GCGR: variants seen among roughly 807,000 people sequenced by gnomAD.
GCGR encodes glucagon receptor.
GCGR carries 41 observed loss-of-function variants against 56.1 expected under a neutral mutation model. That is an observed-to-expected ratio of 0.73 (90% CI 0.57 to 0.95). The LOEUF (loss-of-function observed/expected upper bound fraction) is 0.95, where lower values mean the gene tolerates loss of function less well. Among genes scored for constraint, GCGR ranks in the 40% least tolerant of loss-of-function variants. The pLI is 0.00. For synonymous variants in GCGR, 278 were observed against 271.1 expected (o/e 1.03, Z -0.25); for missense variants, 595 against 638.2 (o/e 0.93, Z 0.73).
rs1157028106 is a variant in GCGR at position 81,804,997 on chromosome 17, C to G, written c.-178+748C>G. On this transcript the variant is annotated intron_variant, in intron 1 of 13. Transcript: ENST00000400723. The surrounding 1 kb of genome is among the most constrained non-coding windows in gnomAD (Gnocchi z 8.2). ...GTTGGGGGGTCTGGGTGCACCCACGCCTGCCCCGCCCCCACGGGGTGAGGG... is the reference window on the plus strand; with the variant it reads ...GTTGGGGGGTCTGGGTGCACCCACGGCTGCCCCGCCCCCACGGGGTGAGGG... 6.6e-6 allele frequency: 1 copy of G among 152,616 alleles called. No individual in the cohort carries two copies. Among genetic ancestry groups the G allele is most frequent in the Admixed American group, 6.5e-5 (1 of 15,286 alleles). 9.5% of individuals were successfully genotyped at this position (152,616 alleles called of 1,614,324 possible). A position where few individuals can be genotyped will look rare whatever the true frequency, so the allele number is the denominator to read the frequency against.
chr17:81,811,591 G>A lies in GCGR; in HGVS notation c.657+31G>A, dbSNP rs2038100911. The A allele has an allele frequency of 2.0e-6, 3 of 1,535,898 alleles. No individual in the cohort carries two copies. The highest frequency in any genetic ancestry group is 1.7e-6 in the Non-Finnish European group (2 of 1,146,712). ...CCCCCCTCGGCGGCCCCAGGCAGGT[G>A]GGTGGGTGGGCAGCCAGGCAGGTGG... On this transcript the variant is annotated intron_variant, in intron 7 of 13. Coordinates refer to ENST00000400723, the MANE Select transcript of GCGR (RefSeq NM_000160.5). This position sits in a 1 kb window ranked among gnomAD's most constrained non-coding sequence, Gnocchi z 5.8.
In GCGR at chr17:81,811,161, G is replaced by T. The variant is rs773224259; in HGVS notation, c.393+30G>T. 7.2e-6 allele frequency: 11 copies of T among 1,535,938 alleles called. No homozygotes were observed. The African/African-American group carries it at 1.5e-4, about 21-fold the overall frequency. ...GTGGGCGGCAGGCAGGCGCGGTGGG[G>T]CTGGATGGGAACGGGCATGGGGGCC... On this transcript the variant is annotated intron_variant, in intron 5 of 13. Coordinates refer to ENST00000400723, the MANE Select transcript of GCGR (RefSeq NM_000160.5). This position sits in a 1 kb window ranked among gnomAD's most constrained non-coding sequence, Gnocchi z 5.8.
rs746534593 is a variant in GCGR, at chr17:81,810,957, G to T, written c.271+25G>T. ...GGTACCCATAGAGGGGAGGAACTGTGGGGGGGGCGGGCCCAGGGTGGGGCT... is the reference window on the plus strand; with the variant it reads ...GGTACCCATAGAGGGGAGGAACTGTTGGGGGGGCGGGCCCAGGGTGGGGCT... On this transcript the variant is annotated intron_variant, in intron 4 of 13. Coordinates refer to ENST00000400723, the MANE Select transcript of GCGR (RefSeq NM_000160.5). The surrounding 1 kb of genome is among the most constrained non-coding windows in gnomAD (Gnocchi z 4.6). 38 of 1,535,012 alleles carry T rather than the reference G, an allele frequency of 2.5e-5. No homozygotes were observed. Among genetic ancestry groups the T allele is most frequent in the Non-Finnish European group, 2.9e-5 (33 of 1,146,240 alleles).
Position 81,813,471 on chromosome 17 carries a change from C to G in GCGR, c.1219-3C>G. 6.5e-7 allele frequency: 1 copy of G among 1,534,600 alleles called. No homozygotes were observed. Among genetic ancestry groups the G allele is most frequent in the Non-Finnish European group, 8.7e-7 (1 of 1,146,624 alleles). On this transcript the variant is annotated splice_region_variant and splice_polypyrimidine_tract_variant and intron_variant, in intron 13 of 13. Transcript: ENST00000400723. This position sits in a 1 kb window ranked among gnomAD's most constrained non-coding sequence, Gnocchi z 5.3. ...GACTGGCCTGCCCCGTCCCCCTCCC[C>G]AGGTGCAGTCGGAGCTGCGGCGGCG...
At position 81,813,520 on chromosome 17, in the gene GCGR, A is replaced by G. The variant is rs1030377149; in HGVS notation, c.1265A>G (p.Lys422Arg). 2 of 1,535,910 alleles carry G rather than the reference A, an allele frequency of 1.3e-6. No homozygotes were observed. The highest frequency in any genetic ancestry group is 1.7e-6 in the Non-Finnish European group (2 of 1,146,764). The change falls in exon 14 of 14, where the codon AAA (lysine) becomes AGA (arginine). Residue 422 changes from lysine to arginine, a missense_variant. By Grantham distance (26) the Lys-to-Arg change is conservative. Coordinates refer to ENST00000400723, the MANE Select transcript of GCGR (RefSeq NM_000160.5). This position sits in a 1 kb window ranked among gnomAD's most constrained non-coding sequence, Gnocchi z 5.3. ...RRRWHRWRLG[K>R]VLWEERNTSN... ...CGTTGGCACCGCTGGCGCCTGGGCA[A>G]AGTGCTATGGGAGGAGCGGAACACC...
Position 81,809,722 on chromosome 17 carries a change from CCTGTCTGT to C in GCGR, c.61-56_61-49del, listed in dbSNP as rs1241277237. On this transcript the variant is annotated intron_variant, in intron 2 of 13. Transcript: ENST00000400723. ...GCCTGCCTGTCTGCCTGTCTGTCTG[CCTGTCTGT>C]CTGCCTGCCTGTCTGTCTGTCTGTC... 1.2e-4 allele frequency: 154 copies of C among 1,328,400 alleles called. 1 individual carries two copies. In the South Asian group the frequency reaches 1.5e-3, roughly 13 times the overall value. The allele number at this position is 1,328,400 out of a possible 1,614,324, so 82.3% of individuals were successfully genotyped here. A position where few individuals can be genotyped will look rare whatever the true frequency, so the allele number is the denominator to read the frequency against.
In GCGR at chr17:81,811,586, CAGGT is replaced by C; in HGVS notation, c.657+27_657+30del. On this transcript the variant is annotated intron_variant, in intron 7 of 13. Transcript: ENST00000400723. The surrounding 1 kb of genome is among the most constrained non-coding windows in gnomAD (Gnocchi z 5.8). The stretch of plus-strand genomic sequence containing the variant: ...GTGAGCCCCCCTCGGCGGCCCCAGG[CAGGT>C]GGGTGGGTGGGCAGCCAGGCAGGTG... 2 of 1,536,122 alleles carry C rather than the reference CAGGT, an allele frequency of 1.3e-6. No individual in the cohort carries two copies. The highest frequency in any genetic ancestry group is 1.7e-6 in the Non-Finnish European group (2 of 1,146,784).
chr17:81,812,293 C>T lies in GCGR; in HGVS notation c.948+41C>T. 1.3e-6 allele frequency: 2 copies of T among 1,531,710 alleles called. No homozygotes were observed. Among genetic ancestry groups the T allele is most frequent in the African/African-American group, 2.7e-5 (2 of 73,008 alleles). 94.9% of individuals were successfully genotyped at this position (1,531,710 alleles called of 1,614,324 possible). A position where few individuals can be genotyped will look rare whatever the true frequency, so the allele number is the denominator to read the frequency against. On this transcript the variant is annotated intron_variant, in intron 10 of 13. Transcript: ENST00000400723. This position sits in a 1 kb window ranked among gnomAD's most constrained non-coding sequence, Gnocchi z 8.5. ...GCCAGGAGCGCACCCCAGGCCCCTC[C>T]TCCCTTGGCGTCCTGAGGCTGCCCC...
chr17:81,813,136 G>A lies in GCGR; in HGVS notation c.1218+79G>A. 1 of 1,526,480 alleles carries A rather than the reference G, an allele frequency of 6.6e-7. No homozygotes were observed. The highest frequency in any genetic ancestry group is 8.8e-7 in the Non-Finnish European group (1 of 1,139,864). 94.6% of individuals were successfully genotyped at this position (1,526,480 alleles called of 1,614,324 possible). Reference sequence around the variant, plus strand: ...GGCAGAGAGAGGCACAGGGATGCCAGCCCCACCCCTGCCCGGGGGTTGGAA... The same window carrying A: ...GGCAGAGAGAGGCACAGGGATGCCAACCCCACCCCTGCCCGGGGGTTGGAA... On this transcript the variant is annotated intron_variant, in intron 13 of 13. Transcript: ENST00000400723. The surrounding 1 kb of genome is among the most constrained non-coding windows in gnomAD (Gnocchi z 5.3).
In GCGR at chr17:81,811,887, T is replaced by C. The variant is rs2038108147; in HGVS notation, c.819T>C (p.Gly273=). ...GACCACAGCTGCTGCCCCCCACAGG[T>C]GCCCCCATGCTGTTCGTCGTCCCCT... The part of the protein sequence containing the change: ...FFSLYLGIGW[G]APMLFVVPWA... Residue 273 remains glycine (G), a splice_region_variant and synonymous_variant, in exon 9 of 14, where the codon GGT becomes GGC. Transcript: ENST00000400723. This position sits in a 1 kb window ranked among gnomAD's most constrained non-coding sequence, Gnocchi z 5.8. The C allele has an allele frequency of 1.3e-6, 2 of 1,537,010 alleles. No homozygotes were observed. The highest frequency in any genetic ancestry group is 8.7e-7 in the Non-Finnish European group (1 of 1,146,874).
In GCGR at chr17:81,811,269, G is replaced by A; in HGVS notation, c.441G>A (p.Val147=). 1 of 1,536,232 alleles carries A rather than the reference G, an allele frequency of 6.5e-7. No homozygotes were observed. The highest frequency in any genetic ancestry group is 8.7e-7 in the Non-Finnish European group (1 of 1,146,786). The change falls in exon 6 of 14, where the codon GTG becomes GTA. Residue 147 remains valine, a synonymous_variant. Transcript: ENST00000400723. This position sits in a 1 kb window ranked among gnomAD's most constrained non-coding sequence, Gnocchi z 5.8. The part of the protein sequence containing the change: ...MYSSFQVMYT[V]GYSLSLGALL... ...GCAGCTTCCAGGTGATGTACACAGT[G>A]GGCTACAGCCTGTCCCTGGGGGCCC...
At position 81,807,812 on chromosome 17, in the gene GCGR, C is replaced by G. The variant is rs576840888; in HGVS notation, c.-177-1030C>G. Reference sequence around the variant, plus strand: ...GTGCAGAAACTGGGCTCTGTAGCAACGAAAGGCCGATTTGTGTAGCTGTTG... The same window carrying G: ...GTGCAGAAACTGGGCTCTGTAGCAAGGAAAGGCCGATTTGTGTAGCTGTTG... On this transcript the variant is annotated intron_variant, in intron 1 of 13. Coordinates refer to ENST00000400723, the MANE Select transcript of GCGR (RefSeq NM_000160.5). Among the ~76,000 whole-genome samples the G allele has an allele frequency of 2.3e-4, 35 of 152,358 alleles. No homozygotes were observed. In the South Asian group the frequency reaches 7.0e-3, roughly 31 times the overall value.
chr17:81,809,742 T>TGC (rs2038055397), intron 2 of GCGR, 40 bp from the exon 3 acceptor site: 3 of 1,250,070 alleles, frequency 2.4e-6, no homozygotes. Context: ...TGCCTGCCTG[T>TGC]CTGTCTGTCT....
chr17:81,810,991 C>T lies in GCGR; in HGVS notation c.272-19C>T. On this transcript the variant is annotated intron_variant, in intron 4 of 13. Transcript: ENST00000400723. The surrounding 1 kb of genome is among the most constrained non-coding windows in gnomAD (Gnocchi z 4.6). ...GGGCCCAGGGTGGGGCTGACCCCAGCCTCCCCCCACACCCCCAGTGCAACA... is the reference window on the plus strand; with the variant it reads ...GGGCCCAGGGTGGGGCTGACCCCAGTCTCCCCCCACACCCCCAGTGCAACA... 2.6e-6 allele frequency: 4 copies of T among 1,535,766 alleles called. No individual in the cohort carries two copies. The highest frequency in any genetic ancestry group is 3.5e-6 in the Non-Finnish European group (4 of 1,146,630).
chr17:81,810,793 C>T lies in GCGR; in HGVS notation c.164-32C>T. 1 of 1,529,428 alleles carries T rather than the reference C, an allele frequency of 6.5e-7. No homozygotes were observed. Among genetic ancestry groups the T allele is most frequent in the Non-Finnish European group, 8.8e-7 (1 of 1,140,338 alleles). The allele number at this position is 1,529,428 out of a possible 1,614,324, so 94.7% of individuals were successfully genotyped here. ...AGCCCCTTCTCCCACCCTGCCCTGC[C>T]CTGCTCTGCCCTGCCCTACCCTACC... On this transcript the variant is annotated intron_variant, in intron 3 of 13. Transcript: ENST00000400723. This position sits in a 1 kb window ranked among gnomAD's most constrained non-coding sequence, Gnocchi z 4.6.
At position 81,813,443 on chromosome 17, in the gene GCGR, T is replaced by A; in HGVS notation, c.1219-31T>A. 1 of 1,524,766 alleles carries A rather than the reference T, an allele frequency of 6.6e-7. No homozygotes were observed. Among genetic ancestry groups the A allele is most frequent in the Non-Finnish European group, 8.8e-7 (1 of 1,138,688 alleles). The allele number at this position is 1,524,766 out of a possible 1,614,324, so 94.5% of individuals were successfully genotyped here. On this transcript the variant is annotated intron_variant, in intron 13 of 13. Transcript: ENST00000400723. This position sits in a 1 kb window ranked among gnomAD's most constrained non-coding sequence, Gnocchi z 5.3. ...TGGGGTGGAGAGGACAGGCAGGCCC[T>A]AGGACTGGCCTGCCCCGTCCCCCTC...
At chr17:81,808,581 T>G (rs2038008890) in intron 1 of GCGR, among the ~76,000 whole-genome samples, 1 of 150,714 alleles carries the variant, frequency 6.6e-6, no homozygotes, top group African/African-American at 2.4e-5. Context: ...CTGCAATGGC[T>G]TGATCTCCGC....
rs1310818080 is a variant in GCGR, at chr17:81,811,501, A to G, written c.598A>G (p.Thr200Ala). Residue 200 changes from threonine to alanine, a missense_variant, in exon 7 of 14, where the codon ACC becomes GCC. Physicochemically the swap from Thr to Ala is moderately conservative, Grantham distance 58. Coordinates refer to ENST00000400723, the MANE Select transcript of GCGR (RefSeq NM_000160.5). The surrounding 1 kb of genome is among the most constrained non-coding windows in gnomAD (Gnocchi z 5.8). The stretch of plus-strand genomic sequence containing the variant: ...GCTGGTCATTGATGGGCTGCTCAGG[A>G]CCCGCTACAGCCAGAAAATTGGCGA... ...SVLVIDGLLRTRYSQKIGDDL... is the reference protein window; with the variant it reads ...SVLVIDGLLRARYSQKIGDDL... The G allele has an allele frequency of 1.3e-6, 2 of 1,536,406 alleles. No individual in the cohort carries two copies. The highest frequency in any genetic ancestry group is 4.9e-5 in the East Asian group (2 of 40,916).
chr17:81,809,440 CGTCTGCCTGCCTGCCTGTCT>C (rs1568250525), intron 2 of GCGR, among the ~76,000 whole-genome samples: 1 of 94,326 alleles, frequency 1.1e-5, no homozygotes, highest in Non-Finnish European at 2.1e-5. Flanking sequence ...TCTGCCTGTC[CGTCTGCCTGCCTGCCTGTCT>C]GTCTGCCTGC....
Sources: allele counts gnomAD v4.1 joint callset (sites outside exome capture counted in the v4.1 genomes callset), GRCh38; gene constraint gnomAD v4.1.1; non-coding constraint Gnocchi (gnomAD v3.1); transcripts MANE v1.5; gene names NCBI Gene and HGNC (gene_info 2026-07-23, HGNC 2026-07-21).